The following FGR variants were observed in gnomAD, a reference collection of about 807,000 sequenced individuals.
The protein encoded by FGR is FGR proto-oncogene, Src family tyrosine kinase, also known as tyrosine-protein kinase Fgr.
FGR carries 26 observed loss-of-function variants against 63.2 expected under a neutral mutation model. The observed-to-expected ratio is 0.41, with a 90% CI of 0.30 to 0.57. FGR has a LOEUF of 0.57. Ranked by LOEUF, FGR falls within the 20% of genes least tolerant of loss-of-function variation. FGR has a pLI of 0.27. For missense variants in FGR, 511 were observed against 690.8 expected, an observed-to-expected ratio of 0.74 and a Z score of 2.92; for synonymous variants, 286 against 277.7, an observed-to-expected ratio of 1.03 and a Z score of -0.30.
chr1:27,629,786 CTACCCTTATTT>C (rs2090078702), intron 1 of FGR, among the ~76,000 whole-genome samples: 1 of 152,224 alleles, frequency 6.6e-6, no homozygotes, highest in South Asian at 2.1e-4. Flanking sequence ...GGGTTTATGA[CTACCCTTATTT>C]TACAGATGAA....
chr1:27,624,924 G>A (rs891970757), intron 2 of FGR, among the ~76,000 whole-genome samples, 165 bp downstream of exon 2: 1 of 152,112 alleles, frequency 6.6e-6, no homozygotes, highest in African/African-American at 2.4e-5. Flanking sequence ...TTCCTGTCGT[G>A]GGTCCAGCCT....
Position 27,615,051 on chromosome 1 carries a change from T to C in FGR, c.1019-125A>G. 1.5e-6 allele frequency: 1 copy of C among 675,994 alleles called. No homozygotes were observed. The highest frequency in any genetic ancestry group is 2.5e-6 in the Non-Finnish European group (1 of 397,086). The allele number at this position is 675,994 out of a possible 1,614,324, so 41.9% of individuals were successfully genotyped here. A position where few individuals can be genotyped will look rare whatever the true frequency, so the allele number is the denominator to read the frequency against. ...CGCCCCTCACTTAGGACCCCGCGGGTGCCTCAACCCCTCACTTGTCTCGTC... is the reference window on the plus strand; with the variant it reads ...CGCCCCTCACTTAGGACCCCGCGGGCGCCTCAACCCCTCACTTGTCTCGTC... On this transcript the variant is annotated intron_variant, in intron 9 of 12. Transcript: ENST00000374005. The surrounding 1 kb of genome is among the most constrained non-coding windows in gnomAD (Gnocchi z 7.6).
At chr1:27,620,991 C>CAAAAAAAA (rs59265327) in intron 5 of FGR, among the ~76,000 whole-genome samples, 194 of 21,758 alleles carry the variant, frequency 8.9e-3, no homozygotes, top group South Asian at 0.013. Flanking sequence ...GACCCTGTCT[C>CAAAAAAAA]AAAAAAAAAA....
At chr1:27,626,822 C>G (rs1416197906) in intron 1 of FGR, among the ~76,000 whole-genome samples, 2 of 151,966 alleles carry the variant, frequency 1.3e-5, no homozygotes, top group Non-Finnish European at 2.9e-5. Flanking sequence ...ATCCAGGGCC[C>G]AGCGGGAGGG....
chr1:27,621,535 G>A (rs753843476), intron 5 of FGR, 24 bp downstream of exon 5: 13 of 1,579,020 alleles, frequency 8.2e-6, no homozygotes, highest in Non-Finnish European at 1.1e-5. Context: ...CCATAGGGCT[G>A]GTCTTGCCCC....
At chr1:27,618,234 GAC>G (rs1180689353) in intron 5 of FGR, among the ~76,000 whole-genome samples, 1 of 152,058 alleles carries the variant, frequency 6.6e-6, no homozygotes, top group Admixed American at 6.5e-5. Flanking sequence ...GTATAGACAG[GAC>G]ACATTGTCAA....
In FGR at chr1:27,615,728, G is replaced by C. The variant is rs2089795465; in HGVS notation, c.799C>G (p.Arg267Gly). The C allele has an allele frequency of 6.2e-7, 1 of 1,608,130 alleles. No individual in the cohort carries two copies. The highest frequency in any genetic ancestry group is 8.5e-7 in the Non-Finnish European group (1 of 1,176,400). The change falls in exon 8 of 13, where the codon CGC becomes GGC. Residue 267 changes from arginine (R) to glycine (G), a missense_variant. Arg to Gly is a moderately radical substitution (Grantham distance 125). Transcript: ENST00000374005. This position sits in a 1 kb window ranked among gnomAD's most constrained non-coding sequence, Gnocchi z 7.6. ...EISRSSITLE[R>G]RLGTGCFGDV... ...CCGAAGCAGCCGGTGCCCAGCCGGC[G>C]CTCCAGCGTGATGGAGCTGCGGCTG...
chr1:27,633,748 G>C (rs190169500), intron 1 of FGR, among the ~76,000 whole-genome samples: 124 of 152,244 alleles, frequency 8.1e-4, no homozygotes, highest in African/African-American at 2.9e-3. Flanking sequence ...GAGACAGGAC[G>C]GGGGTCTCCC....
intron 2 of FGR, among the ~76,000 whole-genome samples, chr1:27,624,881 T>C (rs377583659): frequency 7.6e-4 from 115 of 152,234 alleles, no homozygotes; most frequent in African/African-American, 2.3e-3. Flanking sequence ...TGTCTGCACC[T>C]GGAGAGTCAC....
Position 27,617,704 on chromosome 1 carries a change from T to C in FGR, c.429-408A>G, listed in dbSNP as rs2089841155. On this transcript the variant is annotated intron_variant, in intron 5 of 12. Coordinates refer to ENST00000374005, the MANE Select transcript of FGR (RefSeq NM_005248.3). The surrounding 1 kb of genome is among the most constrained non-coding windows in gnomAD (Gnocchi z 4.5). ...AAAATCCTCTGCCGCTCTCCCTAGT[T>C]CTTTTTTCACCACTCCAGTAATCAG... 6.6e-6 allele frequency among the ~76,000 whole-genome samples: 1 copy of C among 152,142 alleles called. No individual in the cohort carries two copies. The highest frequency in any genetic ancestry group is 6.5e-5 in the Admixed American group (1 of 15,288).
intron 10 of FGR, 101 bp from the exon 11 acceptor site, chr1:27,614,684 G>A (rs1557726527): frequency 8.3e-6 from 12 of 1,438,062 alleles, no homozygotes; most frequent in Middle Eastern, 3.5e-4. Context: ...ACTTTCCAGA[G>A]GGGGAGACTG....
In FGR at chr1:27,615,026, C is replaced by T; in HGVS notation, c.1019-100G>A. 1 of 951,586 alleles carries T rather than the reference C, an allele frequency of 1.1e-6. No homozygotes were observed. Among genetic ancestry groups the T allele is most frequent in the Non-Finnish European group, 1.6e-6 (1 of 608,212 alleles). The allele number at this position is 951,586 out of a possible 1,614,324, so 58.9% of individuals were successfully genotyped here. ...CCCCTCAGCCCCTCCCACCTGGACCCGCCCCTCACTTAGGACCCCGCGGGT... is the reference window on the plus strand; with the variant it reads ...CCCCTCAGCCCCTCCCACCTGGACCTGCCCCTCACTTAGGACCCCGCGGGT... On this transcript the variant is annotated intron_variant, in intron 9 of 12. Transcript: ENST00000374005. The surrounding 1 kb of genome is among the most constrained non-coding windows in gnomAD (Gnocchi z 7.6).
intron 5 of FGR, among the ~76,000 whole-genome samples, chr1:27,621,024 GAAAGAAAGAAAAGA>G (rs1234518740): frequency 1.0e-5 from 1 of 96,700 alleles, no homozygotes; most frequent in Non-Finnish European, 2.2e-5. Flanking sequence ...AAAAAAGAAA[GAAAGAAAGAAAAGA>G]AAAGAAAAAC....
At chr1:27,621,468 A>G (rs1167751171) in intron 5 of FGR, 91 bp downstream of exon 5, 2 of 859,478 alleles carry the variant, frequency 2.3e-6, no homozygotes, top group African/African-American at 3.3e-5. Context: ...ACAGGCTCGG[A>G]CTGGAGCAAT....
intron 1 of FGR, among the ~76,000 whole-genome samples, chr1:27,631,775 G>A (rs2090108922): frequency 6.6e-6 from 1 of 152,172 alleles, no homozygotes; most frequent in African/African-American, 2.4e-5. Flanking sequence ...CCCAGGGTGA[G>A]GTGAGAGGGC....
At chr1:27,626,774 G>A (rs1013628959) in intron 1 of FGR, among the ~76,000 whole-genome samples, 1 of 152,166 alleles carries the variant, frequency 6.6e-6, no homozygotes, top group Non-Finnish European at 1.5e-5. Context: ...GGGCTAGTTA[G>A]AGCCAGGGCA....
At chr1:27,618,254 C>G (rs1470887972) in intron 5 of FGR, among the ~76,000 whole-genome samples, 1 of 152,136 alleles carries the variant, frequency 6.6e-6, no homozygotes, top group Non-Finnish European at 1.5e-5. Context: ...CAAGTTTTTT[C>G]AAAGCCCTCC....
At chr1:27,634,758 C>A (rs2090155030) in intron 1 of FGR, among the ~76,000 whole-genome samples, 1 of 152,016 alleles carries the variant, frequency 6.6e-6, no homozygotes, top group Non-Finnish European at 1.5e-5. Context: ...ACCTCAGCCC[C>A]CTTCCTAAAC....
chr1:27,633,699 C>T (rs1380573033), intron 1 of FGR, among the ~76,000 whole-genome samples: 1 of 152,160 alleles, frequency 6.6e-6, no homozygotes, highest in African/African-American at 2.4e-5. Context: ...CAGCAGGTGC[C>T]ACCACTTCCA....
Sources: gnomAD v4.1 joint callset for allele counts (sites outside exome capture counted in the v4.1 genomes callset) on GRCh38, gnomAD v4.1.1 for gene constraint, Gnocchi (gnomAD v3.1) non-coding constraint, MANE v1.5 for transcripts, NCBI Gene and HGNC (gene_info 2026-07-23, HGNC 2026-07-21) for gene names.